ANKS1B: variants seen among roughly 807,000 people sequenced by gnomAD.
ANKS1B encodes the protein ankyrin repeat and sterile alpha motif domain containing 1B, also known as ankyrin repeat and sterile alpha motif domain-containing protein 1B.
Under a neutral mutation model 148.3 loss-of-function variants are expected in ANKS1B, and 36 were observed. The ratio of observed to expected loss-of-function variants is 0.24; its 90% CI spans 0.19 to 0.32. The LOEUF (loss-of-function observed/expected upper bound fraction) is 0.32. Ranked by LOEUF, ANKS1B falls within the 10% of genes least tolerant of loss-of-function variation. The pLI is 1.00. For missense variants in ANKS1B, 1,157 were observed against 1,542.6 expected, an observed-to-expected ratio of 0.75 and a Z score of 4.19; for synonymous variants, 542 against 560.8, an observed-to-expected ratio of 0.97 and a Z score of 0.47.
chr12:99,622,911 A>G (rs566729266), intron 9 of ANKS1B, among the ~76,000 whole-genome samples: 1 of 152,098 alleles, frequency 6.6e-6, no homozygotes, highest in African/African-American at 2.4e-5. Context: ...CAGTATCACC[A>G]TGATACCAAA....
intron 12 of ANKS1B, among the ~76,000 whole-genome samples, chr12:99,272,435 C>T (rs899998374): frequency 2.6e-5 from 4 of 152,162 alleles, no homozygotes; most frequent in Non-Finnish European, 5.9e-5. Context: ...AATAATTGCT[C>T]TAGCAGAATC....
At chr12:99,338,224 C>T (rs908915452) in intron 12 of ANKS1B, among the ~76,000 whole-genome samples, 9 of 152,190 alleles carry the variant, frequency 5.9e-5, no homozygotes, top group African/African-American at 2.2e-4. Flanking sequence ...TGCAGCTGAA[C>T]TGGCATGCAA....
chr12:99,304,458 T>C (rs2082093326), intron 12 of ANKS1B, among the ~76,000 whole-genome samples: 1 of 152,124 alleles, frequency 6.6e-6, no homozygotes, highest in African/African-American at 2.4e-5. Context: ...GATTCTTGGC[T>C]TTCCTTTCCC....
At chr12:99,649,091 T>C (rs983129821) in intron 9 of ANKS1B, among the ~76,000 whole-genome samples, 1 of 152,240 alleles carries the variant, frequency 6.6e-6, no homozygotes, top group African/African-American at 2.4e-5. Flanking sequence ...GACCAGTCTA[T>C]TCTGAAACAC....
chr12:99,767,409 A>G (rs1036907518), intron 8 of ANKS1B, among the ~76,000 whole-genome samples: 1 of 152,028 alleles, frequency 6.6e-6, no homozygotes, highest in African/African-American at 2.4e-5. Flanking sequence ...AATGTTTAAA[A>G]AAAAAACAAA....
At position 99,250,332 on chromosome 12, in the gene ANKS1B, T is replaced by C. The variant is rs563939980; in HGVS notation, c.1757-3468A>G. Among the ~76,000 whole-genome samples, 370 of 152,342 alleles carry C rather than the reference T, an allele frequency of 2.4e-3. 1 individual carries two copies. The highest frequency in any genetic ancestry group is 8.4e-3 in the African/African-American group (350 of 41,588). On this transcript the variant is annotated intron_variant, in intron 12 of 26. Transcript: ENST00000683438. ...ATTGTTAGTTTGCATAAGAAAAGCA[T>C]GCTCTCTGGTGAGCTGTTTACTATC...
At chr12:99,400,465 A>G (rs1159148960) in intron 11 of ANKS1B, among the ~76,000 whole-genome samples, 1 of 145,806 alleles carries the variant, frequency 6.9e-6, no homozygotes, top group African/African-American at 2.6e-5. Flanking sequence ...AAAAGTTAAA[A>G]TCATGGAGTA....
intron 17 of ANKS1B, among the ~76,000 whole-genome samples, chr12:98,969,192 C>T (rs1431281366): frequency 1.3e-5 from 2 of 152,148 alleles, no homozygotes; most frequent in African/African-American, 4.8e-5. Context: ...ACAGGAAAGT[C>T]ATTAGTTTCT....
rs76266176 is a variant in ANKS1B at position 99,768,345 on chromosome 12, T to C, written c.1128+4577A>G. 4.7e-3 allele frequency among the ~76,000 whole-genome samples: 709 copies of C among 152,280 alleles called. 9 individuals are homozygous for C. The highest frequency in any genetic ancestry group is 0.016 in the African/African-American group (679 of 41,550). ...ACATAGAAATGTTATAATTGAGGAC[T>C]GTGGTTTGACTGCAGTTTGGATTTT... On this transcript the variant is annotated intron_variant, in intron 8 of 26. Coordinates refer to ENST00000683438, the MANE Select transcript of ANKS1B (RefSeq NM_001352186.2).
chr12:99,584,032 T>C (rs2097597491), intron 9 of ANKS1B, among the ~76,000 whole-genome samples: 1 of 152,180 alleles, frequency 6.6e-6, no homozygotes, highest in South Asian at 2.1e-4. Flanking sequence ...CTAGAGCCCC[T>C]TTTTCCTTTT....
intron 8 of ANKS1B, among the ~76,000 whole-genome samples, chr12:99,679,403 G>C (rs981614393): frequency 5.3e-5 from 8 of 152,238 alleles, no homozygotes; most frequent in Non-Finnish European, 1.0e-4. Flanking sequence ...CCACCCCCAG[G>C]CTCAAGCCAT....
rs145275532 is a variant in ANKS1B at position 98,841,176 on chromosome 12, T to C, written c.2779-9040A>G. On this transcript the variant is annotated intron_variant, in intron 17 of 26. Transcript: ENST00000683438. ...ATCATAAAATTTATGATCAATTATATTGTGTGACTGATGCTCTCAGTATTG... is the reference window on the plus strand; with the variant it reads ...ATCATAAAATTTATGATCAATTATACTGTGTGACTGATGCTCTCAGTATTG... Among the ~76,000 whole-genome samples the C allele has an allele frequency of 1.6e-3, 251 of 152,282 alleles. 2 individuals are homozygous for C. The highest frequency in any genetic ancestry group is 5.6e-3 in the African/African-American group (231 of 41,566).
intron 17 of ANKS1B, among the ~76,000 whole-genome samples, chr12:98,988,136 C>A (rs549127659): frequency 6.6e-6 from 1 of 152,286 alleles, no homozygotes; most frequent in African/African-American, 2.4e-5. Flanking sequence ...CTTATACTTT[C>A]AGCATTTTAT....
At chr12:99,851,742 G>C (rs542392771) in intron 1 of ANKS1B, among the ~76,000 whole-genome samples, 1 of 152,122 alleles carries the variant, frequency 6.6e-6, no homozygotes, top group East Asian at 1.9e-4. Context: ...TTTCACACTG[G>C]GGTAATACTT....
intron 11 of ANKS1B, among the ~76,000 whole-genome samples, chr12:99,441,086 T>A (rs1177364638): frequency 6.6e-6 from 1 of 151,934 alleles, no homozygotes. Flanking sequence ...TAATTTTTAA[T>A]AAATAAATTT....
chr12:99,151,938 G>A (rs974208281), intron 15 of ANKS1B, among the ~76,000 whole-genome samples: 5 of 152,144 alleles, frequency 3.3e-5, no homozygotes, highest in Admixed American at 2.0e-4. Context: ...ATAGGAGTGT[G>A]GTGCTTGTTG....
chr12:99,812,365 T>G, intron 2 of ANKS1B, 54 bp from the exon 3 acceptor site: 1 of 1,526,878 alleles, frequency 6.5e-7, no homozygotes, highest in South Asian at 1.2e-5. Flanking sequence ...CAAACTGTAT[T>G]AAATAGGTAA....
intron 12 of ANKS1B, among the ~76,000 whole-genome samples, chr12:99,290,188 C>A (rs1464115192): frequency 6.7e-6 from 1 of 150,186 alleles, no homozygotes; most frequent in Non-Finnish European, 1.5e-5. Flanking sequence ...AATGATTATA[C>A]ACAGACAACC....
intron 1 of ANKS1B, among the ~76,000 whole-genome samples, chr12:99,906,480 C>T (rs1249409379): frequency 6.6e-6 from 1 of 152,164 alleles, no homozygotes; most frequent in Non-Finnish European, 1.5e-5. Context: ...TTACTTCACA[C>T]CTAATATAAC....
Sources: gnomAD v4.1 joint callset for allele counts (sites outside exome capture counted in the v4.1 genomes callset) on GRCh38, gnomAD v4.1.1 for gene constraint, MANE v1.5 for transcripts, NCBI Gene and HGNC (gene_info 2026-07-23, HGNC 2026-07-21) for gene names.